The following ANKRD44 variants were observed in gnomAD, a reference collection of about 807,000 sequenced individuals.
ANKRD44 encodes the protein serine/threonine-protein phosphatase 6 regulatory ankyrin repeat subunit B.
Under a neutral mutation model 116.0 loss-of-function variants are expected in ANKRD44, and 35 were observed. The ratio of observed to expected loss-of-function variants is 0.30; its 90% CI spans 0.23 to 0.40. The LOEUF (loss-of-function observed/expected upper bound fraction) is 0.40. Among genes scored for constraint, ANKRD44 ranks in the 10% least tolerant of loss-of-function variants. The pLI is 1.00. For synonymous variants in ANKRD44, 435 were observed against 461.8 expected (o/e 0.94, Z 0.74); for missense variants, 1,014 against 1,242.6 (o/e 0.82, Z 2.77).
rs201929811 is a variant in ANKRD44 at position 196,975,852 on chromosome 2, GGAAA to G, written c.2369-8410_2369-8407del. ...AAGAAAGAAAGAAAGAAGGAAAGAA[GGAAA>G]GAAAGAAAAGAGAAAGAAAGACACA... On this transcript the variant is annotated intron_variant, in intron 21 of 21. Transcript: ENST00000424317. 3.0e-3 allele frequency among the ~76,000 whole-genome samples: 426 copies of G among 141,440 alleles called. 3 individuals carry two copies. The highest frequency in any genetic ancestry group is 0.027 in the Admixed American group (376 of 14,154). The allele number at this position is 141,440 out of a possible 152,430, so 92.8% of individuals were successfully genotyped here. A position where few individuals can be genotyped will look rare whatever the true frequency, so the allele number is the denominator to read the frequency against.
At position 197,025,179 on chromosome 2, in the gene ANKRD44, C is replaced by T. The variant is rs1256704036; in HGVS notation, c.1722+17G>A. ...TGTTTTTGTAACAGGTGAAGCTGCTCATGGCATCTCACTTACAGCTAAGTG... is the reference window on the plus strand; with the variant it reads ...TGTTTTTGTAACAGGTGAAGCTGCTTATGGCATCTCACTTACAGCTAAGTG... On this transcript the variant is annotated intron_variant, in intron 17 of 27. Transcript: ENST00000282272. The T allele has an allele frequency of 1.9e-6, 3 of 1,604,912 alleles. No homozygotes were observed. The highest frequency in any genetic ancestry group is 2.2e-5 in the South Asian group (2 of 90,596).
chr2:197,247,090 T>C (rs1436134133), intron 1 of ANKRD44, among the ~76,000 whole-genome samples: 2 of 152,222 alleles, frequency 1.3e-5, no homozygotes, highest in African/African-American at 4.8e-5. Context: ...GTTGACTGAA[T>C]GAATGTCCAG....
intron 10 of ANKRD44, among the ~76,000 whole-genome samples, chr2:197,093,099 AACACAC>A (rs147676501): frequency 7.6e-5 from 11 of 144,532 alleles, no homozygotes; most frequent in Non-Finnish European, 1.2e-4. Context: ...AATACATACA[AACACAC>A]ACACACACAC....
intron 16 of ANKRD44, among the ~76,000 whole-genome samples, chr2:197,066,966 G>A (rs1393740266): frequency 7.2e-5 from 11 of 152,134 alleles, no homozygotes; most frequent in South Asian, 2.1e-4. Context: ...AAAAGAGCCC[G>A]CGTTGCCAAG....
chr2:197,156,855 T>C (rs758774883), intron 2 of ANKRD44, among the ~76,000 whole-genome samples: 11 of 152,132 alleles, frequency 7.2e-5, no homozygotes, highest in South Asian at 4.1e-4. Context: ...AAAGTACATA[T>C]TGTATAAATC....
chr2:197,305,110 TA>T (rs2084028911), intron 1 of ANKRD44, among the ~76,000 whole-genome samples: 1 of 152,220 alleles, frequency 6.6e-6, no homozygotes, highest in Admixed American at 6.5e-5. Flanking sequence ...AAAAATGATA[TA>T]GTCATCCTAG....
At chr2:197,154,142 C>T (rs1228669708) in intron 2 of ANKRD44, among the ~76,000 whole-genome samples, 1 of 150,482 alleles carries the variant, frequency 6.6e-6, no homozygotes, top group Non-Finnish European at 1.5e-5. Flanking sequence ...CTTTTCCTAA[C>T]ATCCTCGCCA....
intron 1 of ANKRD44, chr2:197,296,602 T>C (rs1031205083): frequency 2.6e-5 from 4 of 152,222 alleles, no homozygotes; most frequent in African/African-American, 9.7e-5. Context: ...AGTTTCTTAA[T>C]GGTTTTCTCT....
At chr2:197,094,296 G>A (rs2078111841) in intron 10 of ANKRD44, among the ~76,000 whole-genome samples, 1 of 152,140 alleles carries the variant, frequency 6.6e-6, no homozygotes, top group Admixed American at 6.5e-5. Flanking sequence ...AGTGCATAAC[G>A]GTTCCCTCCT....
At position 197,180,246 on chromosome 2, in the gene ANKRD44, C is replaced by T. The variant is rs937569562; in HGVS notation, c.111+6777G>A. 6.6e-5 allele frequency among the ~76,000 whole-genome samples: 10 copies of T among 152,194 alleles called. No homozygotes were observed. In the South Asian group the frequency reaches 1.0e-3, roughly 16 times the overall value. On this transcript the variant is annotated intron_variant, in intron 2 of 27. Transcript: ENST00000282272. ...CTGATCTCATCCACAGTTAGCAAAA[C>T]GGTGACCTGCAGGCCGGATTTGGCC...
intron 16 of ANKRD44, among the ~76,000 whole-genome samples, chr2:197,066,640 C>T (rs1033837467): frequency 6.6e-6 from 1 of 152,124 alleles, no homozygotes; most frequent in Non-Finnish European, 1.5e-5. Flanking sequence ...TTCTTATACA[C>T]CAATAACAGA....
chr2:197,159,364 A>C lies in ANKRD44; in HGVS notation c.112-12259T>G, dbSNP rs558857190. ...ACAAGACACTAAGATGTTAACACTA[A>C]TTATCTCTGGGTGAATAATTTTATG... On this transcript the variant is annotated intron_variant, in intron 2 of 27. Coordinates refer to ENST00000282272, the MANE Select transcript of ANKRD44 (RefSeq NM_001195144.2). Among the ~76,000 whole-genome samples, 12 of 152,330 alleles carry C rather than the reference A, an allele frequency of 7.9e-5. No individual in the cohort carries two copies. In the South Asian group the frequency reaches 1.7e-3, roughly 21 times the overall value.
At chr2:196,980,666 G>A (rs895308437) in intron 21 of ANKRD44, among the ~76,000 whole-genome samples, 1 of 152,138 alleles carries the variant, frequency 6.6e-6, no homozygotes, top group African/African-American at 2.4e-5. Context: ...GCAGCTCTTT[G>A]CCATCTGTCA....
chr2:197,304,636 C>T (rs1490289612), intron 1 of ANKRD44, among the ~76,000 whole-genome samples: 2 of 152,192 alleles, frequency 1.3e-5, no homozygotes, highest in South Asian at 2.1e-4. Flanking sequence ...CTTCATTTTA[C>T]AAAGAGAAAC....
intron 1 of ANKRD44, among the ~76,000 whole-genome samples, chr2:197,289,050 G>C (rs1439697178): frequency 6.6e-6 from 1 of 152,170 alleles, no homozygotes; most frequent in Admixed American, 6.5e-5. Flanking sequence ...AACTAGAAGA[G>C]AGGCTCTAAG....
intron 1 of ANKRD44, among the ~76,000 whole-genome samples, chr2:197,294,693 C>T (rs930891979): frequency 1.1e-4 from 16 of 152,130 alleles, no homozygotes; most frequent in African/African-American, 3.6e-4. Context: ...GATTAGTAGA[C>T]AGCTTTAAGA....
At chr2:197,134,168 G>T (rs2079164756) in intron 4 of ANKRD44, 2 of 151,594 alleles carry the variant, frequency 1.3e-5, no homozygotes, top group African/African-American at 4.9e-5. Context: ...GGTCAGGCTG[G>T]TCTCGAACTC....
chr2:197,196,484 T>C (rs1373792216), intron 1 of ANKRD44, among the ~76,000 whole-genome samples: 1 of 152,194 alleles, frequency 6.6e-6, no homozygotes, highest in Non-Finnish European at 1.5e-5. Flanking sequence ...TATCTTCTTG[T>C]GGTCATGAGT....
chr2:197,094,290 C>A (rs937349318), intron 10 of ANKRD44, among the ~76,000 whole-genome samples: 2 of 152,164 alleles, frequency 1.3e-5, no homozygotes, highest in African/African-American at 4.8e-5. Context: ...TTGGCAAGTG[C>A]ATAACGGTTC....
Sources: gnomAD v4.1 joint callset for allele counts (sites outside exome capture counted in the v4.1 genomes callset) on GRCh38, gnomAD v4.1.1 for gene constraint, MANE v1.5 for transcripts, NCBI Gene and HGNC (gene_info 2026-07-23, HGNC 2026-07-21) for gene names.